ZC3H14: variants seen among roughly 807,000 people sequenced by gnomAD.
The protein encoded by ZC3H14 is zinc finger CCCH-type containing 14, also known as zinc finger CCCH domain-containing protein 14.
Under a neutral mutation model 92.4 loss-of-function variants are expected in ZC3H14, and 31 were observed. The ratio of observed to expected loss-of-function variants is 0.34; its 90% CI spans 0.25 to 0.45. ZC3H14 has a LOEUF of 0.45. ZC3H14 is among the 20% of genes least tolerant of loss of function. The pLI, the probability that ZC3H14 is intolerant of heterozygous loss-of-function variation, is 1.00. For synonymous variants in ZC3H14, 321 were observed against 300.9 expected (o/e 1.07, Z -0.69); for missense variants, 781 against 897.3 (o/e 0.87, Z 1.66).
Position 88,578,157 on chromosome 14 carries a change from T to C in ZC3H14, c.1279+17T>C. The C allele has an allele frequency of 6.2e-7, 1 of 1,613,560 alleles. No individual in the cohort carries two copies. Among genetic ancestry groups the C allele is most frequent in the Non-Finnish European group, 8.5e-7 (1 of 1,179,562 alleles). ...AAAATCAAGGTAATAACTTAAATGA[T>C]GTTTCACTCTTTACTACAGTTTTTT... On this transcript the variant is annotated intron_variant, in intron 9 of 16. Transcript: ENST00000251038.
intron 9 of ZC3H14, chr14:88,586,583 TTCTC>T (rs1015331568): frequency 1.3e-5 from 2 of 152,214 alleles, no homozygotes; most frequent in African/African-American, 4.8e-5. Context: ...GATCTGTCCT[TTCTC>T]TCTGGCTGCT....
chr14:88,569,231 G>A (rs1312450472), intron 3 of ZC3H14, among the ~76,000 whole-genome samples: 2 of 151,978 alleles, frequency 1.3e-5, no homozygotes, highest in Non-Finnish European at 2.9e-5. Flanking sequence ...TTTTGAACTG[G>A]GTTGGCTTCT....
At chr14:88,579,629 C>T (rs1025387518) in intron 9 of ZC3H14, among the ~76,000 whole-genome samples, 4 of 152,126 alleles carry the variant, frequency 2.6e-5, no homozygotes, top group African/African-American at 9.7e-5. Context: ...AATAGGAAAT[C>T]TCAAAGCAAG....
Position 88,616,559 on chromosome 14 carries a change from G to T in ZC3H14, c.*4808G>T. 1 of 690,562 alleles carries T rather than the reference G, an allele frequency of 1.4e-6. No homozygotes were observed. Among genetic ancestry groups the T allele is most frequent in the Non-Finnish European group, 2.4e-6 (1 of 424,192 alleles). The allele number at this position is 690,562 out of a possible 1,614,324, so 42.8% of individuals were successfully genotyped here. A position where few individuals can be genotyped will look rare whatever the true frequency, so the allele number is the denominator to read the frequency against. ...TCCAAAGATGGTATTACTCGAGGGA[G>T]AGGATTTGTTTCTAATAGCTTTTAT... On this transcript the variant is annotated 3_prime_UTR_variant, in exon 17 of 17. Coordinates refer to ENST00000251038, the MANE Select transcript of ZC3H14 (RefSeq NM_024824.5).
intron 10 of ZC3H14, among the ~76,000 whole-genome samples, chr14:88,597,668 C>T: frequency 6.6e-6 from 1 of 152,218 alleles, no homozygotes; most frequent in Non-Finnish European, 1.5e-5. Flanking sequence ...TCATTCTCTG[C>T]CTCCTGTCTT....
In ZC3H14 at chr14:88,603,078, A is replaced by C; in HGVS notation, c.1747+18A>C. ...TTCTAACGGTGTGTTGAGAGCTCAG[A>C]TTTTCAGGGTGCTGTCATTGTGAAG... is the stretch of plus-strand genomic sequence containing the variant. On this transcript the variant is annotated intron_variant, in intron 12 of 16. Coordinates refer to ENST00000251038, the MANE Select transcript of ZC3H14 (RefSeq NM_024824.5). 17 of 1,609,630 alleles carry C rather than the reference A, an allele frequency of 1.1e-5. No individual in the cohort carries two copies. Among genetic ancestry groups the C allele is most frequent in the Non-Finnish European group, 1.4e-5 (17 of 1,176,062 alleles).
At chr14:88,582,509 A>G (rs2401750) in intron 9 of ZC3H14, among the ~76,000 whole-genome samples, 35,580 of 152,172 alleles carry the variant, frequency 0.23, 4,653 homozygotes, top group East Asian at 0.52. Context: ...AATTATAAAG[A>G]ACCTCTAGGC....
chr14:88,624,841 G>C lies in ZC3H14; in HGVS notation c.*13090G>C, dbSNP rs186251671. 6.1e-6 allele frequency: 6 copies of C among 987,516 alleles called. No homozygotes were observed. In the African/African-American group the frequency reaches 1.0e-4, roughly 17 times the overall value. The allele number at this position is 987,516 out of a possible 1,614,324, so 61.2% of individuals were successfully genotyped here. A position where few individuals can be genotyped will look rare whatever the true frequency, so the allele number is the denominator to read the frequency against. ...TAGAAGGCACATAAAAGGTAATAAAGGAGAAGCATATGAGGAGGAAGGTCG... is the reference window on the plus strand; with the variant it reads ...TAGAAGGCACATAAAAGGTAATAAACGAGAAGCATATGAGGAGGAAGGTCG... On this transcript the variant is annotated 3_prime_UTR_variant, in exon 17 of 17. Coordinates refer to ENST00000251038, the MANE Select transcript of ZC3H14 (RefSeq NM_024824.5).
At chr14:88,609,449 T>TCA (rs748750723) in intron 14 of ZC3H14, 46 bp downstream of exon 14, 17 of 1,612,904 alleles carry the variant, frequency 1.1e-5, no homozygotes. Flanking sequence ...AAATATAAAA[T>TCA]GGCATTTTGT....
At chr14:88,611,724 T>C (rs373683348) in intron 16 of ZC3H14, 21 bp from the exon 17 acceptor site, 2 of 1,613,928 alleles carry the variant, frequency 1.2e-6, no homozygotes, top group Non-Finnish European at 1.7e-6. Context: ...ATTAAAACAA[T>C]TTTTGGTTCT....
At position 88,609,373 on chromosome 14, in the gene ZC3H14, A is replaced by C; in HGVS notation, c.1975A>C (p.Arg659=). The C allele has an allele frequency of 6.2e-7, 1 of 1,614,092 alleles. No homozygotes were observed. Among genetic ancestry groups the C allele is most frequent in the African/African-American group, 1.3e-5 (1 of 75,050 alleles). Residue 659 remains arginine (R), a synonymous_variant, in exon 14 of 17, where the codon AGA becomes CGA. Coordinates refer to ENST00000251038, the MANE Select transcript of ZC3H14 (RefSeq NM_024824.5). Reference sequence around the variant, plus strand: ...AGATTGTCCCTTCACTCATGTGAGTAGAAGAATTCCAGTACTGTCTCCAAA... The same window carrying C: ...AGATTGTCCCTTCACTCATGTGAGTCGAAGAATTCCAGTACTGTCTCCAAA... ...KPDCPFTHVS[R]RIPVLSPKPA...
chr14:88,621,346 T>A lies in ZC3H14; in HGVS notation c.*9595T>A, dbSNP rs780451094. Reference sequence around the variant, plus strand: ...AATACAGTGAATGTAATACAACAGCTGCTTTTCTTCTTCATAATATAAAAA... The same window carrying A: ...AATACAGTGAATGTAATACAACAGCAGCTTTTCTTCTTCATAATATAAAAA... On this transcript the variant is annotated 3_prime_UTR_variant, in exon 17 of 17. Transcript: ENST00000251038. 2.0e-5 allele frequency: 32 copies of A among 1,605,260 alleles called. No homozygotes were observed. The Admixed American group carries it at 2.0e-4, about 10-fold the overall frequency.
chr14:88,588,225 C>A (rs140130241), intron 9 of ZC3H14, among the ~76,000 whole-genome samples: 1,694 of 152,284 alleles, frequency 0.011, 21 homozygotes, highest in Non-Finnish European at 0.018. Context: ...TAGGCCTGCT[C>A]AAGGCCATCA....
At chr14:88,596,299 A>G (rs530344698) in intron 9 of ZC3H14, among the ~76,000 whole-genome samples, 2 of 152,094 alleles carry the variant, frequency 1.3e-5, no homozygotes, top group African/African-American at 2.4e-5. Flanking sequence ...TTGTTTTGCT[A>G]TTTCGATTAT....
chr14:88,570,934 A>G (rs917481980), intron 3 of ZC3H14, 150 bp from the exon 4 acceptor site: 1 of 525,254 alleles, frequency 1.9e-6, no homozygotes, highest in Non-Finnish European at 2.9e-6. Context: ...TGGACAACAC[A>G]GTGAAACCCC....
chr14:88,604,917 T>A (rs1248724951), intron 12 of ZC3H14, among the ~76,000 whole-genome samples: 1 of 152,132 alleles, frequency 6.6e-6, no homozygotes, highest in Non-Finnish European at 1.5e-5. Flanking sequence ...AAAAGGTGAA[T>A]TTGCCTCTTA....
intron 3 of ZC3H14, among the ~76,000 whole-genome samples, chr14:88,569,868 T>G (rs2080168640): frequency 6.6e-6 from 1 of 152,230 alleles, no homozygotes; most frequent in African/African-American, 2.4e-5. Context: ...GGTCATCAGT[T>G]GTTATGATAC....
At chr14:88,574,182 A>G (rs2080864226) in intron 6 of ZC3H14, 1 of 153,982 alleles carries the variant, frequency 6.5e-6, no homozygotes, top group African/African-American at 2.4e-5. Context: ...AATAAATGTA[A>G]AGTTCTAATT....
At chr14:88,566,924 GA>G (rs1159219239) in intron 2 of ZC3H14, among the ~76,000 whole-genome samples, 1,856 of 115,980 alleles carry the variant, frequency 0.016, 32 homozygotes, top group African/African-American at 0.049. Context: ...TGTCGTAAAA[GA>G]AAAAAAAAAA....
Sources: allele counts gnomAD v4.1 joint callset (sites outside exome capture counted in the v4.1 genomes callset), GRCh38; gene constraint gnomAD v4.1.1; transcripts MANE v1.5; gene names NCBI Gene and HGNC (gene_info 2026-07-23, HGNC 2026-07-21).